Variants in MAGIX observed in about 807,000 individuals in gnomAD.
The protein encoded by MAGIX is PDZ domain-containing protein MAGIX.
In MAGIX, 13 loss-of-function variants were observed where a neutral mutation model predicts 10.0. The observed-to-expected ratio is 1.30, with a 90% confidence interval of 0.84 to 2.06. MAGIX has a LOEUF of 2.06. Ranked by LOEUF, MAGIX falls within the 30% of genes most tolerant of loss-of-function variation. The probability of loss-of-function intolerance (pLI) is 0.00; values close to 1 mark genes in which losing one functional copy is unlikely to be tolerated. For synonymous variants in MAGIX, 108 were observed against 106.8 expected, an observed-to-expected ratio of 1.01 and a Z score of -0.07; for missense variants, 235 against 245.2, an observed-to-expected ratio of 0.96 and a Z score of 0.28.
exon 5 of MAGIX, chrX:49,167,210 T>C (rs781929000): frequency 2.6e-5 from 3 of 114,119 alleles, no homozygotes; most frequent in Non-Finnish European, 5.6e-5. Context: ...CTTTGGGCCG[T>C]GCCCCCATTT....
chrX:49,163,086 C>T (rs1433101790), intron 1 of MAGIX, 148 bp downstream of exon 1: 92 of 299,531 alleles, frequency 3.1e-4, no homozygotes, highest in Non-Finnish European at 5.4e-5. Context: ...AGGGGCCCAG[C>T]GATGGAGGCT....
rs1320193806 is a variant in MAGIX, at chrX:49,165,459, GTC to G, written c.502+102_502+103del. The G allele has an allele frequency of 3.6e-6, 3 of 829,779 alleles. No individual in the cohort carries two copies. The African/African-American group carries it at 6.3e-5, about 18-fold the overall frequency. The allele number at this position is 829,779 out of a possible 1,213,427, so 68.4% of individuals were successfully genotyped here. On this transcript the variant is annotated intron_variant, in intron 4 of 4. Coordinates refer to ENST00000616266, the Ensembl canonical transcript of MAGIX. ...GATTCTGGGTGGGAAGGGTTTGGTG[GTC>G]TCTGTGGGGAGGGTCTGCAAGAGGT... is the stretch of plus-strand genomic sequence containing the variant.
chrX:49,166,372 G>T, exon 5 of MAGIX: 5 of 1,145,267 alleles, frequency 4.4e-6, no homozygotes, highest in Non-Finnish European at 5.8e-6. Context: ...TCGCTCAGGA[G>T]ATGGCAGCCG....
At chrX:49,163,950 C>T in intron 2 of MAGIX, 21 bp downstream of exon 2, 1 of 1,007,647 alleles carries the variant, frequency 9.9e-7, no homozygotes, top group Non-Finnish European at 1.3e-6. Flanking sequence ...GGCGCAGGGC[C>T]TCCGCTGGGG....
chrX:49,166,122 C>CG lies in MAGIX; in HGVS notation c.555dup (p.Ser186ValfsTer28), dbSNP rs782250107. On this transcript the variant is annotated frameshift_variant, in exon 5 of 5. Transcript: ENST00000616266. LOFTEE classifies it low-confidence loss of function (END_TRUNC). ...CCAGATCCTGGAGGGCCGGAGGTAA[C>CG]GGGGTCTCGCAGCAGCAGCACTTCC... The CG allele has an allele frequency of 5.0e-6, 6 of 1,210,110 alleles. No individual in the cohort carries two copies. The East Asian group carries it at 1.8e-4, about 36-fold the overall frequency.
intron 4 of MAGIX, chrX:49,165,701 C>G: frequency 3.2e-6 from 1 of 310,787 alleles, no homozygotes; most frequent in Non-Finnish European, 5.6e-6. Context: ...TGGATCTTAG[C>G]CGGGGGAAAA....
chrX:49,165,099 TG>T lies in MAGIX; in HGVS notation c.330+10del, dbSNP rs782012884. On this transcript the variant is annotated intron_variant, in intron 3 of 4. Coordinates refer to ENST00000616266, the Ensembl canonical transcript of MAGIX. ...GCTGTGGTCGTTTGGAGGTGAGCCC[TG>T]AAGCCCCTTCCACTGGTAGGTGCTA... is the stretch of plus-strand genomic sequence containing the variant. 5.0e-6 allele frequency: 6 copies of T among 1,201,514 alleles called. No individual in the cohort carries two copies. The South Asian group carries it at 8.9e-5, about 18-fold the overall frequency.
At chrX:49,166,201 G>A (rs1569525697) in exon 5 of MAGIX, 1 of 1,209,256 alleles carries the variant, frequency 8.3e-7, no homozygotes, top group African/African-American at 1.7e-5. Flanking sequence ...GGGGCAGCCC[G>A]GAGCCTAGTC....
At position 49,163,768 on chromosome X, in the gene MAGIX, C is replaced by T; in HGVS notation, c.-201-15C>T. Reference sequence around the variant, plus strand: ...GGCCGAGGGTCGGCGTTGACCTGTCCCCTCTTGCGCGCAGGCCGCGGCCCC... The same window carrying T: ...GGCCGAGGGTCGGCGTTGACCTGTCTCCTCTTGCGCGCAGGCCGCGGCCCC... On this transcript the variant is annotated splice_polypyrimidine_tract_variant and intron_variant, in intron 1 of 4. Coordinates refer to ENST00000616266, the Ensembl canonical transcript of MAGIX. The T allele has an allele frequency of 9.6e-7, 1 of 1,042,134 alleles. No individual in the cohort carries two copies. Among genetic ancestry groups the T allele is most frequent in the South Asian group, 2.7e-5 (1 of 37,627 alleles). 85.9% of individuals were successfully genotyped at this position (1,042,134 alleles called of 1,213,427 possible). A position where few individuals can be genotyped will look rare whatever the true frequency, so the allele number is the denominator to read the frequency against.
At chrX:49,163,163 G>A in intron 1 of MAGIX, 1 of 277,774 alleles carries the variant, frequency 3.6e-6, no homozygotes, top group East Asian at 5.1e-5. Context: ...CAGGGGAGGG[G>A]CTCTCAGGAG....
At chrX:49,164,590 A>T in intron 2 of MAGIX, 117 bp from the exon 3 acceptor site, 1 of 630,300 alleles carries the variant, frequency 1.6e-6, no homozygotes, top group Non-Finnish European at 2.6e-6. Flanking sequence ...CAGTTTGTAT[A>T]TGAGCTGCAG....
In MAGIX at chrX:49,164,912, A is replaced by G; in HGVS notation, c.152A>G (p.Lys51Arg). 2.5e-6 allele frequency: 3 copies of G among 1,212,065 alleles called. No homozygotes were observed. The East Asian group carries it at 8.9e-5, about 36-fold the overall frequency. The change falls in exon 3 of 5, where the codon AAG (lysine) becomes AGG (arginine). Residue 51 changes from lysine (K) to arginine (R), a missense_variant. Physicochemically the swap from Lys to Arg is conservative, Grantham distance 26 (BLOSUM62 2). Coordinates refer to ENST00000616266, the Ensembl canonical transcript of MAGIX. ...GCACCTCCCCAATTGATCCAGGGTAAGGCACGTAGTGCTCCGAAGCCATCC... is the reference window on the plus strand; with the variant it reads ...GCACCTCCCCAATTGATCCAGGGTAGGGCACGTAGTGCTCCGAAGCCATCC...
chrX:49,168,483 A>C (rs782705689), exon 5 of MAGIX: 3 of 105,847 alleles, frequency 2.8e-5, no homozygotes, highest in East Asian at 2.9e-4. Flanking sequence ...AAAAAAAAAA[A>C]AAAAAAAAAA....
At chrX:49,165,528 C>T (rs1295418494) in intron 4 of MAGIX, 167 bp downstream of exon 5, 3 of 451,659 alleles carry the variant, frequency 6.6e-6, no homozygotes, top group Non-Finnish European at 1.1e-5. Context: ...GGTACAGGGT[C>T]CCAGGATAGG....
exon 3 of MAGIX, chrX:49,164,895 C>T (rs782135327): frequency 8.3e-7 from 1 of 1,212,113 alleles, no homozygotes; most frequent in East Asian, 3.0e-5. Context: ...ACGCACCTCC[C>T]CAATTGATCC....
chrX:49,166,069 C>G lies in MAGIX; in HGVS notation c.503-5C>G. The G allele has an allele frequency of 8.3e-7, 1 of 1,207,320 alleles. No individual in the cohort carries two copies. Among genetic ancestry groups the G allele is most frequent in the African/African-American group, 1.7e-5 (1 of 57,723 alleles). ...CCCTACTTCACCACCCAATCTAATC[C>G]GTAGTCCCGTCATGGCCAGATCGCA... On this transcript the variant is annotated splice_polypyrimidine_tract_variant and splice_region_variant and intron_variant, in intron 4 of 4. Transcript: ENST00000616266.
exon 5 of MAGIX, chrX:49,166,402 C>G: frequency 1.8e-6 from 2 of 1,116,744 alleles, no homozygotes; most frequent in Non-Finnish European, 2.4e-6. Context: ...GACACTGAGC[C>G]TACCTCTGAC....
intron 4 of MAGIX, chrX:49,165,738 G>C (rs782041335): frequency 5.2e-5 from 17 of 329,892 alleles, no homozygotes; most frequent in African/African-American, 4.6e-4. Flanking sequence ...AGGGTAGGGG[G>C]TCTAGTTCTG....
chrX:49,162,915 C>G (rs1282848263), intron 1 of MAGIX: 1 of 843,223 alleles, frequency 1.2e-6, no homozygotes, highest in Non-Finnish European at 1.6e-6. Flanking sequence ...GGGGACGCCG[C>G]GGACCCTAGG....
Sources: allele counts gnomAD v4.1 joint callset, GRCh38; gene constraint gnomAD v4.1.1; transcripts MANE v1.5; gene names NCBI Gene and HGNC (gene_info 2026-07-23, HGNC 2026-07-21).